AP3B1: variants seen among roughly 807,000 people sequenced by gnomAD.
The protein encoded by AP3B1 is AP-3 complex subunit beta-1.
Under a neutral mutation model 132.5 loss-of-function variants are expected in AP3B1, and 61 were observed. The ratio of observed to expected loss-of-function variants is 0.46; its 90% confidence interval spans 0.37 to 0.57. The LOEUF (loss-of-function observed/expected upper bound fraction) is 0.57, where lower values mean the gene tolerates loss of function less well. AP3B1 is among the 20% of genes least tolerant of loss of function. The pLI is 0.00. For synonymous variants in AP3B1, 388 were observed against 438.3 expected, an observed-to-expected ratio of 0.89 and a Z score of 1.43; for missense variants, 1,120 against 1,289.4, an observed-to-expected ratio of 0.87 and a Z score of 2.01.
intron 22 of AP3B1, among the ~76,000 whole-genome samples, chr5:78,053,232 C>T (rs561440231): frequency 2.0e-4 from 31 of 152,348 alleles, no homozygotes; most frequent in Non-Finnish European, 1.2e-4. Context: ...AACAAATTCA[C>T]TGTCTCCTGC....
At chr5:78,131,202 C>G (rs989535115) in intron 15 of AP3B1, among the ~76,000 whole-genome samples, 10 of 151,728 alleles carry the variant, frequency 6.6e-5, no homozygotes, top group Non-Finnish European at 1.3e-4. Context: ...GTGTATGTAT[C>G]TAGTAACAAG....
At chr5:78,292,307 A>T (rs962476490) in intron 1 of AP3B1, among the ~76,000 whole-genome samples, 2 of 152,202 alleles carry the variant, frequency 1.3e-5, no homozygotes, top group Non-Finnish European at 2.9e-5. Context: ...TTTCTGTACA[A>T]TTCCATTAGA....
intron 14 of AP3B1, among the ~76,000 whole-genome samples, chr5:78,154,524 T>C (rs945160496): frequency 6.6e-6 from 1 of 152,198 alleles, no homozygotes; most frequent in Non-Finnish European, 1.5e-5. Flanking sequence ...ATTATTTCTC[T>C]GAATAAACTT....
At chr5:78,088,029 G>C (rs926031299) in intron 22 of AP3B1, among the ~76,000 whole-genome samples, 1 of 152,116 alleles carries the variant, frequency 6.6e-6, no homozygotes, top group Non-Finnish European at 1.5e-5. Context: ...GGCAAAGCAG[G>C]GGTTTGCACC....
chr5:78,001,440 A>C (rs182413591), downstream of AP3B1: 1 of 152,358 alleles, frequency 6.6e-6, no homozygotes, highest in African/African-American at 2.4e-5. Flanking sequence ...AGAATGGTAC[A>C]GAATGTACAC....
At chr5:78,293,815 T>TATTA (rs1350315318) in intron 1 of AP3B1, among the ~76,000 whole-genome samples, 2 of 152,222 alleles carry the variant, frequency 1.3e-5, no homozygotes, top group Non-Finnish European at 2.9e-5. Flanking sequence ...AAATTCACAT[T>TATTA]ATTAATCTGT....
At chr5:78,062,221 T>C (rs1042537700) in intron 22 of AP3B1, among the ~76,000 whole-genome samples, 4 of 152,224 alleles carry the variant, frequency 2.6e-5, no homozygotes, top group Admixed American at 1.3e-4. Flanking sequence ...AGATGTGGTA[T>C]GGTAGGTAAC....
At chr5:78,219,972 A>G (rs1281542433) in intron 6 of AP3B1, among the ~76,000 whole-genome samples, 1 of 152,168 alleles carries the variant, frequency 6.6e-6, no homozygotes, top group Non-Finnish European at 1.5e-5. Flanking sequence ...GTGGAAATAA[A>G]TTAGACCTGG....
At chr5:78,240,977 T>C in intron 2 of AP3B1, 41 bp from the exon 3 acceptor site, 6 of 1,357,392 alleles carry the variant, frequency 4.4e-6, no homozygotes, top group Middle Eastern at 2.0e-4. Context: ...AAATTCTATA[T>C]ATATTAAATA....
At chr5:78,279,083 T>G (rs1430048672) in intron 1 of AP3B1, among the ~76,000 whole-genome samples, 1 of 152,222 alleles carries the variant, frequency 6.6e-6, no homozygotes, top group Non-Finnish European at 1.5e-5. Flanking sequence ...TTTTAAAATA[T>G]ACCAGGTGGA....
intron 26 of AP3B1, among the ~76,000 whole-genome samples, chr5:78,004,490 T>A (rs934261694): frequency 7.2e-5 from 11 of 152,174 alleles, no homozygotes; most frequent in South Asian, 2.1e-4. Context: ...TTGGGTTTTT[T>A]AAAAAATAAC....
intron 22 of AP3B1, among the ~76,000 whole-genome samples, chr5:78,069,435 C>T (rs1749438744): frequency 1.3e-5 from 2 of 152,152 alleles, no homozygotes; most frequent in South Asian, 4.1e-4. Context: ...GCAAGAATCA[C>T]AAGCATTCCT....
At position 78,170,219 on chromosome 5, in the gene AP3B1, G is replaced by A. The variant is rs533020365; in HGVS notation, c.1168-4547C>T. 1.8e-3 allele frequency among the ~76,000 whole-genome samples: 269 copies of A among 152,244 alleles called. 1 individual carries two copies. The highest frequency in any genetic ancestry group is 5.9e-3 in the African/African-American group (244 of 41,532). On this transcript the variant is annotated intron_variant, in intron 11 of 26. Transcript: ENST00000255194. ...GTGAATAGTGCCGCAATAAACATAC[G>A]TGTGCATGTGTCTTTATAGTAGCAT...
rs1554060861 is a variant in AP3B1 at position 78,053,697 on chromosome 5, A to AAGAAAG, written c.2578-14424_2578-14423insCTTTCT. Among the ~76,000 whole-genome samples, 741 of 142,734 alleles carry AAGAAAG rather than the reference A, an allele frequency of 5.2e-3. 6 individuals carry two copies. The highest frequency in any genetic ancestry group is 0.017 in the African/African-American group (622 of 37,322). The allele number at this position is 142,734 out of a possible 152,430, so 93.6% of individuals were successfully genotyped here. A position where few individuals can be genotyped will look rare whatever the true frequency, so the allele number is the denominator to read the frequency against. On this transcript the variant is annotated intron_variant, in intron 22 of 26. Transcript: ENST00000255194. ...CCATCTCAAAAAAAAAAAAAAAAAA[A>AAGAAAG]GAAAGAAAAGAAAAGTCCCCCTCAG...
At chr5:78,015,100 G>A (rs1462067483) in intron 26 of AP3B1, among the ~76,000 whole-genome samples, 4 of 152,128 alleles carry the variant, frequency 2.6e-5, no homozygotes, top group Non-Finnish European at 4.4e-5. Flanking sequence ...TGAATCTGGT[G>A]AAATAAGATA....
intron 14 of AP3B1, among the ~76,000 whole-genome samples, chr5:78,152,615 G>A (rs548905997): frequency 1.2e-4 from 19 of 152,012 alleles, no homozygotes; most frequent in Middle Eastern, 6.8e-3. Context: ...TTCTAGTTAA[G>A]ATACATCATT....
chr5:78,118,747 C>G (rs546835435), intron 17 of AP3B1, among the ~76,000 whole-genome samples: 3 of 148,200 alleles, frequency 2.0e-5, no homozygotes, highest in East Asian at 2.0e-4. Context: ...ACCTCTGGGG[C>G]CAGGGCACAG....
At chr5:78,156,431 G>C in intron 13 of AP3B1, 64 bp from the exon 14 acceptor site, 1 of 1,141,598 alleles carries the variant, frequency 8.8e-7, no homozygotes. Flanking sequence ...AATATGCTTC[G>C]TAAAATGTAA....
intron 13 of AP3B1, 46 bp from the exon 14 acceptor site, chr5:78,156,413 T>A: frequency 7.8e-7 from 1 of 1,282,674 alleles, no homozygotes; most frequent in African/African-American, 1.5e-5. Context: ...ATAATTCAAT[T>A]CAAATGCAAT....
Sources: gnomAD v4.1 joint callset for allele counts (sites outside exome capture counted in the v4.1 genomes callset) on GRCh38, gnomAD v4.1.1 for gene constraint, MANE v1.5 for transcripts, NCBI Gene and HGNC (gene_info 2026-07-23, HGNC 2026-07-21) for gene names.